SPRY3: variants seen among roughly 807,000 people sequenced by gnomAD.
SPRY3 encodes protein sprouty homolog 3.
A neutral mutation model predicts 20.2 loss-of-function variants in SPRY3; 15 were observed. The ratio of observed to expected loss-of-function variants is 0.74; its 90% CI spans 0.50 to 1.14. SPRY3 has a LOEUF of 1.14. Among genes scored for constraint, SPRY3 ranks in the 50% most tolerant of loss-of-function variants. The probability of loss-of-function intolerance (pLI) is 0.00; values close to 1 mark genes in which losing one functional copy is unlikely to be tolerated. For missense variants in SPRY3, 364 were observed against 363.9 expected (o/e 1.00, Z 0.00); for synonymous variants, 143 against 136.5 (o/e 1.05, Z -0.33).
At chrX:155,723,596 T>C (rs1226271060) in intron 2 of SPRY3, among the ~76,000 whole-genome samples, 1 of 152,222 alleles carries the variant, frequency 6.6e-6, no homozygotes, top group Non-Finnish European at 1.5e-5. Flanking sequence ...GAGAAGTATC[T>C]GTTCATATCC....
chrX:155,725,355 C>G (rs2091090077), intron 2 of SPRY3, among the ~76,000 whole-genome samples: 2 of 152,186 alleles, frequency 1.3e-5, no homozygotes, highest in Non-Finnish European at 2.9e-5. Flanking sequence ...GGAGGATTCC[C>G]TCTTTTTCTA....
chrX:155,677,765 C>A (rs1377256398), intron 2 of SPRY3, among the ~76,000 whole-genome samples: 1 of 111,725 alleles, frequency 9.0e-6, no homozygotes, highest in Non-Finnish European at 1.9e-5. Context: ...GTCCTACAAA[C>A]CTAGAAGGAA....
At chrX:155,673,644 CA>C (rs2068050812) in intron 2 of SPRY3, among the ~76,000 whole-genome samples, 1 of 112,126 alleles carries the variant, frequency 8.9e-6, no homozygotes, top group African/African-American at 3.2e-5. Context: ...GCATCTCATC[CA>C]TTTCTGCCTT....
chrX:155,770,252 G>A (rs189612304), intron 3 of SPRY3, among the ~76,000 whole-genome samples: 51 of 152,274 alleles, frequency 3.3e-4, no homozygotes, highest in African/African-American at 1.2e-3. Context: ...GTCTTGCGGT[G>A]TTAGCATAGA....
chrX:155,762,703 C>T (rs1331212157), intron 2 of SPRY3, among the ~76,000 whole-genome samples: 3 of 151,870 alleles, frequency 2.0e-5, no homozygotes, highest in Non-Finnish European at 4.4e-5. Context: ...AGTCAAAAAT[C>T]AACAGATGTT....
downstream of SPRY3, chrX:155,780,222 T>C (rs2091455404): frequency 1.2e-5 from 2 of 167,012 alleles, no homozygotes; most frequent in Non-Finnish European, 2.9e-5. Flanking sequence ...TACCAGGTAA[T>C]AGTCATCCCT....
downstream of SPRY3, chrX:155,779,988 A>G (rs2091454035): frequency 6.0e-6 from 1 of 166,938 alleles, no homozygotes. Flanking sequence ...AGATAAGATC[A>G]TGACACTACC....
intron 2 of SPRY3, among the ~76,000 whole-genome samples, chrX:155,760,553 G>C (rs2091300097): frequency 6.6e-6 from 1 of 152,104 alleles, no homozygotes; most frequent in South Asian, 2.1e-4. Flanking sequence ...TGACTCTAAA[G>C]CAGAGATCCC....
chrX:155,689,974 T>G (rs2068098664), intron 2 of SPRY3, among the ~76,000 whole-genome samples: 1 of 88,334 alleles, frequency 1.1e-5, no homozygotes, highest in Non-Finnish European at 2.1e-5. Flanking sequence ...AATTTTCCTT[T>G]TAACACTGCC....
chrX:155,737,733 G>A (rs1056306491), intron 2 of SPRY3, among the ~76,000 whole-genome samples: 4 of 152,120 alleles, frequency 2.6e-5, no homozygotes, highest in Admixed American at 6.5e-5. Flanking sequence ...TAAGACTGGA[G>A]AGGACCCAAA....
intron 1 of SPRY3, among the ~76,000 whole-genome samples, chrX:155,656,398 A>T (rs929508597): frequency 9.1e-6 from 1 of 110,401 alleles, no homozygotes; most frequent in Non-Finnish European, 1.9e-5. Flanking sequence ...TCAGCTGTTG[A>T]TACTTATGTA....
intron 2 of SPRY3, among the ~76,000 whole-genome samples, chrX:155,717,993 C>T (rs2124549613): frequency 6.6e-6 from 1 of 152,308 alleles, no homozygotes; most frequent in Admixed American, 6.5e-5. Flanking sequence ...GCCAGAATAT[C>T]ATAGTAAAAC....
chrX:155,761,263 C>T (rs761462365), intron 2 of SPRY3, among the ~76,000 whole-genome samples: 1 of 152,280 alleles, frequency 6.6e-6, no homozygotes, highest in South Asian at 2.1e-4. Context: ...TCTCTCTGCT[C>T]TTCTGTGACA....
intron 2 of SPRY3, among the ~76,000 whole-genome samples, chrX:155,709,183 C>T (rs950350911): frequency 9.2e-5 from 14 of 151,658 alleles, no homozygotes; most frequent in Non-Finnish European, 1.8e-4. Context: ...TGGGCATATA[C>T]CCAGCAATGG....
intron 1 of SPRY3, among the ~76,000 whole-genome samples, chrX:155,651,085 T>A (rs1159879609): frequency 1.8e-5 from 2 of 110,121 alleles, no homozygotes; most frequent in African/African-American, 6.6e-5. Context: ...TCACTTTTTT[T>A]TTTTTTTTGA....
rs775144008 is a variant in SPRY3 at position 155,690,899 on chromosome X, C to T, written c.-282+33874C>T. Among the ~76,000 whole-genome samples, 67 of 87,314 alleles carry T rather than the reference C, an allele frequency of 7.7e-4. 18 individuals carry two copies. The highest frequency in any genetic ancestry group is 3.7e-3 in the African/African-American group (67 of 18,192). 75.8% of individuals were successfully genotyped at this position (87,314 alleles called of 115,157 possible). ...ATATCAATTCTGGATATACCTTTAT[C>T]AATATATGTGTGATGAATTTTTTTC... On this transcript the variant is annotated intron_variant, in intron 2 of 3. Coordinates refer to ENST00000675360, the Ensembl canonical transcript of SPRY3.
At chrX:155,774,034 C>T (rs1569402733) in exon 4 of SPRY3, 2 of 1,613,992 alleles carry the variant, frequency 1.2e-6, no homozygotes, top group Admixed American at 3.3e-5. Flanking sequence ...TGATTGGTCT[C>T]TGGCTACCAT....
intron 2 of SPRY3, among the ~76,000 whole-genome samples, chrX:155,667,008 T>G (rs1454944242): frequency 2.7e-5 from 3 of 110,948 alleles, no homozygotes; most frequent in Non-Finnish European, 5.7e-5. Flanking sequence ...GGTGGTCAAG[T>G]CTGTCAACTA....
At chrX:155,723,160 AT>A (rs2124555378) in intron 2 of SPRY3, among the ~76,000 whole-genome samples, 1 of 152,114 alleles carries the variant, frequency 6.6e-6, no homozygotes, top group African/African-American at 2.4e-5. Context: ...TATGTGCCAC[AT>A]TTTCTTAATC....
Sources: allele counts gnomAD v4.1 joint callset (sites outside exome capture counted in the v4.1 genomes callset), GRCh38; gene constraint gnomAD v4.1.1; transcripts MANE v1.5; gene names NCBI Gene and HGNC (gene_info 2026-07-23, HGNC 2026-07-21).